Variants in LUZP2 observed in about 807,000 individuals in gnomAD.
The protein encoded by LUZP2 is leucine zipper protein 2.
Under a neutral mutation model 51.6 loss-of-function variants are expected in LUZP2, and 52 were observed. The ratio of observed to expected loss-of-function variants is 1.01; its 90% CI spans 0.81 to 1.27. LUZP2 has a LOEUF of 1.27. LUZP2 is among the 50% of genes most tolerant of loss of function. The pLI, the probability that LUZP2 is intolerant of heterozygous loss-of-function variation, is 0.00. For missense variants in LUZP2, 436 were observed against 395.4 expected (o/e 1.10, Z -0.87); for synonymous variants, 154 against 137.3 (o/e 1.12, Z -0.85).
chr11:24,959,610 A>C lies in LUZP2; in HGVS notation c.523-16981A>C, dbSNP rs936223751. On this transcript the variant is annotated intron_variant, in intron 7 of 11. Coordinates refer to ENST00000336930, the MANE Select transcript of LUZP2 (RefSeq NM_001009909.4). ...TTTTGTACATTGATTTTGTATCCTG[A>C]GACTTTGCTGAAGTTGCTTATCAAC... is the stretch of plus-strand genomic sequence containing the variant. Among the ~76,000 whole-genome samples the C allele has an allele frequency of 2.6e-5, 4 of 152,152 alleles. No individual in the cohort carries two copies. The East Asian group carries it at 7.7e-4, about 29-fold the overall frequency.
At chr11:24,685,958 A>G (rs901047263) in intron 1 of LUZP2, among the ~76,000 whole-genome samples, 2 of 152,212 alleles carry the variant, frequency 1.3e-5, no homozygotes, top group African/African-American at 2.4e-5. Flanking sequence ...AGATTATCCT[A>G]TATTTAGTTG....
At chr11:25,073,027 G>T in intron 10 of LUZP2, among the ~76,000 whole-genome samples, 1 of 152,072 alleles carries the variant, frequency 6.6e-6, no homozygotes, top group East Asian at 1.9e-4. Context: ...GACAGCACTT[G>T]ACTTTTATAC....
intron 1 of LUZP2, among the ~76,000 whole-genome samples, chr11:24,720,154 A>G (rs1354807658): frequency 6.6e-6 from 1 of 152,188 alleles, no homozygotes; most frequent in East Asian, 1.9e-4. Flanking sequence ...ATTTCCCACA[A>G]AGGATTTGCA....
intron 5 of LUZP2, among the ~76,000 whole-genome samples, chr11:24,886,417 T>G (rs1852668175): frequency 6.6e-6 from 1 of 152,160 alleles, no homozygotes; most frequent in Non-Finnish European, 1.5e-5. Flanking sequence ...ATGTTGGAAG[T>G]CTACTTTTTA....
At chr11:24,540,746 G>A (rs1160705535) in intron 1 of LUZP2, among the ~76,000 whole-genome samples, 1 of 152,020 alleles carries the variant, frequency 6.6e-6, no homozygotes, top group Non-Finnish European at 1.5e-5. Context: ...TGTACTTGCA[G>A]ATTAAAATTA....
At chr11:24,728,501 C>G (rs543331513) in intron 1 of LUZP2, among the ~76,000 whole-genome samples, 1 of 151,736 alleles carries the variant, frequency 6.6e-6, no homozygotes, top group African/African-American at 2.4e-5. Flanking sequence ...CTGTTTTTTT[C>G]CCTCCTCCCA....
chr11:24,628,852 C>A (rs892869490), intron 1 of LUZP2, among the ~76,000 whole-genome samples: 18 of 152,218 alleles, frequency 1.2e-4, no homozygotes, highest in African/African-American at 4.3e-4. Context: ...AGGCCTCTTG[C>A]CCGGCCTGCT....
chr11:24,524,931 A>T lies in LUZP2; in HGVS notation c.62+27626A>T, dbSNP rs183881743. ...CTTAGTCAACCCCTCTCTCACAATC[A>T]CTACCTGAGACAGGCTAGGAGTAAG... On this transcript the variant is annotated intron_variant, in intron 1 of 11. Coordinates refer to ENST00000336930, the MANE Select transcript of LUZP2 (RefSeq NM_001009909.4). Among the ~76,000 whole-genome samples, 5 of 151,774 alleles carry T rather than the reference A, an allele frequency of 3.3e-5. No individual in the cohort carries two copies. The East Asian group carries it at 9.7e-4, about 29-fold the overall frequency.
intron 1 of LUZP2, among the ~76,000 whole-genome samples, chr11:24,702,949 C>CAT (rs1298130080): frequency 1.3e-5 from 2 of 152,116 alleles, no homozygotes; most frequent in East Asian, 3.9e-4. Context: ...AAAGCATGCA[C>CAT]ATATATATCC....
intron 1 of LUZP2, among the ~76,000 whole-genome samples, chr11:24,535,173 C>T (rs1458087901): frequency 6.6e-6 from 1 of 150,646 alleles, no homozygotes; most frequent in Non-Finnish European, 1.5e-5. Flanking sequence ...ATCTAGATTT[C>T]AGCAATTCCT....
intron 1 of LUZP2, among the ~76,000 whole-genome samples, chr11:24,656,982 G>A (rs1157811677): frequency 6.6e-6 from 1 of 152,136 alleles, no homozygotes. Context: ...AGAGTCTGAG[G>A]ATTAAGGCGT....
chr11:24,640,050 G>T (rs542260507), intron 1 of LUZP2, among the ~76,000 whole-genome samples: 8 of 151,796 alleles, frequency 5.3e-5, no homozygotes, highest in Non-Finnish European at 1.0e-4. Context: ...TTGAAGACAG[G>T]CTCCTACCCT....
chr11:24,622,438 C>T, intron 1 of LUZP2, among the ~76,000 whole-genome samples: 1 of 152,042 alleles, frequency 6.6e-6, no homozygotes, highest in South Asian at 2.1e-4. Flanking sequence ...TTTCAGAGCT[C>T]AAGCAGCCTG....
intron 1 of LUZP2, among the ~76,000 whole-genome samples, chr11:24,695,316 T>A (rs984119226): frequency 6.6e-6 from 1 of 152,062 alleles, no homozygotes; most frequent in African/African-American, 2.4e-5. Flanking sequence ...TAAAATGTGA[T>A]CTTTAAATTT....
chr11:24,498,647 T>C (rs905314427), intron 1 of LUZP2, among the ~76,000 whole-genome samples: 2 of 152,196 alleles, frequency 1.3e-5, no homozygotes, highest in African/African-American at 2.4e-5. Flanking sequence ...TTCCCAGTAT[T>C]ATAATTAGTT....
intron 1 of LUZP2, among the ~76,000 whole-genome samples, chr11:24,722,318 C>G (rs868681580): frequency 3.5e-4 from 53 of 152,122 alleles, no homozygotes; most frequent in African/African-American, 1.2e-3. Flanking sequence ...AGTGAACTTA[C>G]AGTTCCACTG....
intron 7 of LUZP2, among the ~76,000 whole-genome samples, chr11:24,959,837 A>C (rs1037316566): frequency 6.6e-6 from 1 of 152,194 alleles, no homozygotes; most frequent in Non-Finnish European, 1.5e-5. Context: ...GCCAGTTTTC[A>C]AAGGGAATGC....
At chr11:24,558,946 C>T (rs1851951638) in intron 1 of LUZP2, among the ~76,000 whole-genome samples, 1 of 152,078 alleles carries the variant, frequency 6.6e-6, no homozygotes, top group Admixed American at 6.6e-5. Flanking sequence ...TACCCAGGCT[C>T]TGATATTTTT....
chr11:24,804,568 G>A (rs1255018362), intron 5 of LUZP2, among the ~76,000 whole-genome samples: 2 of 152,120 alleles, frequency 1.3e-5, no homozygotes, highest in African/African-American at 4.8e-5. Flanking sequence ...GTAACAAACT[G>A]GGGTAAACTT....
Sources: allele counts gnomAD v4.1 joint callset (sites outside exome capture counted in the v4.1 genomes callset), GRCh38; gene constraint gnomAD v4.1.1; transcripts MANE v1.5; gene names NCBI Gene and HGNC (gene_info 2026-07-23, HGNC 2026-07-21).